The following LINGO2 variants were observed in gnomAD, a reference collection of about 807,000 sequenced individuals.
LINGO2 encodes the protein leucine-rich repeat and immunoglobulin-like domain-containing nogo receptor-interacting protein 2.
Under a neutral mutation model 30.6 loss-of-function variants are expected in LINGO2, and 14 were observed. The observed-to-expected ratio is 0.46, with a 90% CI of 0.30 to 0.72. LINGO2 has a LOEUF of 0.72. Ranked by LOEUF, LINGO2 falls within the 30% of genes least tolerant of loss-of-function variation. The pLI, the probability that LINGO2 is intolerant of heterozygous loss-of-function variation, is 0.07. For missense variants in LINGO2, 729 were observed against 751.7 expected, an observed-to-expected ratio of 0.97 and a Z score of 0.35; for synonymous variants, 317 against 288.5, an observed-to-expected ratio of 1.10 and a Z score of -1.00.
At chr9:29,107,873 C>T in the LINGO2 span, among the ~76,000 whole-genome samples, 1 of 143,144 alleles carries the variant, frequency 7.0e-6, no homozygotes, top group Non-Finnish European at 1.5e-5. Flanking sequence ...TCACCCTCCC[C>T]TTATGCCCTG....
At chr9:28,328,595 C>T (rs1313280011) in intron 3 of LINGO2, among the ~76,000 whole-genome samples, 1 of 150,858 alleles carries the variant, frequency 6.6e-6, no homozygotes, top group Non-Finnish European at 1.5e-5. Context: ...ATTTAGAATG[C>T]TAACCTTAAT....
At chr9:28,802,188 A>T in the LINGO2 span, among the ~76,000 whole-genome samples, 1 of 151,970 alleles carries the variant, frequency 6.6e-6, no homozygotes, top group African/African-American at 2.4e-5. Context: ...TTTCAATGGC[A>T]TATTTCCAAC....
At chr9:28,774,895 G>A in the LINGO2 span, among the ~76,000 whole-genome samples, 1 of 152,006 alleles carries the variant, frequency 6.6e-6, no homozygotes, top group Non-Finnish European at 1.5e-5. Flanking sequence ...CAAAATGAAA[G>A]CGCTGGACCT....
At chr9:29,085,104 G>T in the LINGO2 span, among the ~76,000 whole-genome samples, 17 of 151,610 alleles carry the variant, frequency 1.1e-4, no homozygotes, top group Non-Finnish European at 2.9e-5. Context: ...TCATTTAAAT[G>T]TGGGAATTTG....
At chr9:28,346,713 T>C (rs1181033214) in intron 3 of LINGO2, among the ~76,000 whole-genome samples, 2 of 152,148 alleles carry the variant, frequency 1.3e-5, no homozygotes, top group African/African-American at 2.4e-5. Context: ...TTTTGATTTT[T>C]TAATAGCCAT....
At chr9:28,882,343 G>T in the LINGO2 span, among the ~76,000 whole-genome samples, 6,748 of 152,176 alleles carry the variant, frequency 0.044, 201 homozygotes, top group Admixed American at 0.083. Flanking sequence ...ATGCAATCTG[G>T]GGTTAGACAG....
At chr9:27,966,272 G>GT (rs1448941485) in intron 5 of LINGO2, among the ~76,000 whole-genome samples, 3 of 152,026 alleles carry the variant, frequency 2.0e-5, no homozygotes, top group African/African-American at 7.2e-5. Flanking sequence ...AACAAAGGAG[G>GT]TAATCATACT....
At chr9:28,864,475 T>C in the LINGO2 span, among the ~76,000 whole-genome samples, 2 of 152,132 alleles carry the variant, frequency 1.3e-5, no homozygotes, top group Non-Finnish European at 2.9e-5. Context: ...TTAACTTTTA[T>C]CTAAAGAGCA....
At chr9:28,155,076 G>A (rs991928714) in intron 4 of LINGO2, among the ~76,000 whole-genome samples, 2 of 152,148 alleles carry the variant, frequency 1.3e-5, no homozygotes, top group Non-Finnish European at 2.9e-5. Context: ...CTTTCTGAGA[G>A]CATTAAGACT....
intron 1 of LINGO2, among the ~76,000 whole-genome samples, chr9:28,480,919 T>C (rs1587731324): frequency 6.6e-6 from 1 of 152,226 alleles, no homozygotes; most frequent in East Asian, 1.9e-4. Context: ...ACTGCAACAA[T>C]TTCTCAACTA....
the LINGO2 span, among the ~76,000 whole-genome samples, chr9:29,141,956 T>C: frequency 2.0e-5 from 3 of 151,826 alleles, no homozygotes; most frequent in Admixed American, 6.6e-5. Flanking sequence ...CAAATAATAA[T>C]AGTATATTTT....
At chr9:28,618,641 C>G (rs551989278) in intron 1 of LINGO2, among the ~76,000 whole-genome samples, 2 of 152,262 alleles carry the variant, frequency 1.3e-5, no homozygotes, top group South Asian at 4.1e-4. Flanking sequence ...CTATAACATT[C>G]TCCTTCTTAC....
chr9:28,680,361 G>A, the LINGO2 span, among the ~76,000 whole-genome samples: 1 of 151,928 alleles, frequency 6.6e-6, no homozygotes, highest in Non-Finnish European at 1.5e-5. Context: ...TCATTCATCT[G>A]ATGAGAAACA....
intron 1 of LINGO2, among the ~76,000 whole-genome samples, chr9:28,592,714 C>T (rs888092279): frequency 4.0e-5 from 6 of 151,864 alleles, no homozygotes; most frequent in African/African-American, 1.2e-4. Context: ...CACAGACCAA[C>T]CCTTGGAGAA....
the LINGO2 span, among the ~76,000 whole-genome samples, chr9:28,899,197 C>A: frequency 1.1e-4 from 17 of 152,186 alleles, no homozygotes; most frequent in African/African-American, 3.4e-4. Context: ...GTCCCCAAAC[C>A]CTCGGCAACA....
intron 3 of LINGO2, among the ~76,000 whole-genome samples, chr9:28,368,718 T>C (rs563864421): frequency 9.0e-4 from 136 of 151,844 alleles, no homozygotes; most frequent in South Asian, 7.1e-3. Context: ...TGCCTCAGCC[T>C]CGCGAGTAGC....
chr9:28,400,489 T>G (rs984505349), intron 2 of LINGO2, among the ~76,000 whole-genome samples: 2 of 152,226 alleles, frequency 1.3e-5, no homozygotes, highest in African/African-American at 2.4e-5. Context: ...AAGACCTAGT[T>G]GTAAAACATT....
At chr9:28,077,520 G>A (rs2133202173) in intron 4 of LINGO2, among the ~76,000 whole-genome samples, 1 of 152,206 alleles carries the variant, frequency 6.6e-6, no homozygotes, top group East Asian at 1.9e-4. Context: ...AAGTCCATCT[G>A]TGTTCTGGGA....
intron 1 of LINGO2, among the ~76,000 whole-genome samples, chr9:28,502,810 C>G (rs1819946404): frequency 6.6e-6 from 1 of 152,002 alleles, no homozygotes; most frequent in African/African-American, 2.4e-5. Flanking sequence ...CAAGTATTGC[C>G]TTTTAGTGCT....
Sources: allele counts gnomAD v4.1 joint callset (sites outside exome capture counted in the v4.1 genomes callset), GRCh38; gene constraint gnomAD v4.1.1; transcripts MANE v1.5; gene names NCBI Gene and HGNC (gene_info 2026-07-23, HGNC 2026-07-21).